The following PARD6B variants were observed in gnomAD, a reference collection of about 807,000 sequenced individuals.
PARD6B encodes the protein par-6 family cell polarity regulator beta, also known as partitioning defective 6 homolog beta.
PARD6B carries 4 observed loss-of-function variants against 10.5 expected under a neutral mutation model. The observed-to-expected ratio is 0.38, with a 90% CI of 0.19 to 0.87. PARD6B has a LOEUF of 0.87. PARD6B is among the 40% of genes least tolerant of loss of function. The probability of loss-of-function intolerance (pLI) is 0.41; values close to 1 mark genes in which losing one functional copy is unlikely to be tolerated. For missense variants in PARD6B, 396 were observed against 470.6 expected (o/e 0.84, Z 1.47); for synonymous variants, 169 against 170.4 (o/e 0.99, Z 0.07).
chr20:50,734,071 T>A (rs1316706376), intron 1 of PARD6B, among the ~76,000 whole-genome samples: 4 of 152,224 alleles, frequency 2.6e-5, no homozygotes, highest in Non-Finnish European at 1.5e-5. Flanking sequence ...TCTAGGAACA[T>A]GTGCTGAATG....
At chr20:50,742,250 G>C (rs925048409) in intron 2 of PARD6B, among the ~76,000 whole-genome samples, 3 of 151,982 alleles carry the variant, frequency 2.0e-5, no homozygotes, top group Admixed American at 2.0e-4. Flanking sequence ...TGCCATGTTG[G>C]CCAGACTGTT....
chr20:50,752,991 G>T lies in PARD6B; in HGVS notation c.*2503G>T, dbSNP rs561214926. On this transcript the variant is annotated 3_prime_UTR_variant, in exon 3 of 3. Transcript: ENST00000371610. ...TTGAATGGCAAAATAATGTTAGTAT[G>T]TAGAAGGTTAACTTTCATTTATAAT... The T allele has an allele frequency of 1.0e-6, 1 of 984,020 alleles. No homozygotes were observed. The highest frequency in any genetic ancestry group is 1.2e-6 in the Non-Finnish European group (1 of 828,392). 61.0% of individuals were successfully genotyped at this position (984,020 alleles called of 1,614,324 possible). A position where few individuals can be genotyped will look rare whatever the true frequency, so the allele number is the denominator to read the frequency against.
chr20:50,735,257 A>G (rs892604136), intron 1 of PARD6B, among the ~76,000 whole-genome samples: 12 of 152,240 alleles, frequency 7.9e-5, no homozygotes, highest in African/African-American at 2.7e-4. Context: ...AAATATACCT[A>G]TAGTTCAATT....
intron 2 of PARD6B, among the ~76,000 whole-genome samples, chr20:50,739,204 T>G (rs1378622296): frequency 1.3e-5 from 2 of 151,954 alleles, no homozygotes; most frequent in Non-Finnish European, 2.9e-5. Context: ...CCCAGCACTT[T>G]GGGAGGTGGA....
intron 2 of PARD6B, among the ~76,000 whole-genome samples, chr20:50,739,482 G>A (rs1190683209): frequency 2.0e-5 from 3 of 151,774 alleles, no homozygotes; most frequent in Admixed American, 2.0e-4. Flanking sequence ...GAATGGGTGG[G>A]GATTATCTTT....
chr20:50,734,932 C>G (rs747037742), intron 1 of PARD6B, among the ~76,000 whole-genome samples: 4 of 152,108 alleles, frequency 2.6e-5, no homozygotes, highest in Non-Finnish European at 5.9e-5. Context: ...GGCGGATCAC[C>G]TGAGGTCAGG....
At chr20:50,743,812 C>T (rs1240331052) in intron 2 of PARD6B, among the ~76,000 whole-genome samples, 1 of 151,228 alleles carries the variant, frequency 6.6e-6, no homozygotes, top group Non-Finnish European at 1.5e-5. Flanking sequence ...TGGCATGAAC[C>T]CAGGAGGCGG....
In PARD6B at chr20:50,752,630, A is replaced by G; in HGVS notation, c.*2142A>G. On this transcript the variant is annotated 3_prime_UTR_variant, in exon 3 of 3. Coordinates refer to ENST00000371610, the MANE Select transcript of PARD6B (RefSeq NM_032521.3). ...TATGGCTTATGGAGAGTTATTTATT[A>G]ATTAACTTTATGGTAGGGCTAGTAT... 1 of 980,714 alleles carries G rather than the reference A, an allele frequency of 1.0e-6. No homozygotes were observed. Among genetic ancestry groups the G allele is most frequent in the Non-Finnish European group, 1.2e-6 (1 of 825,252 alleles). 60.8% of individuals were successfully genotyped at this position (980,714 alleles called of 1,614,324 possible). A position where few individuals can be genotyped will look rare whatever the true frequency, so the allele number is the denominator to read the frequency against.
At position 50,749,804 on chromosome 20, in the gene PARD6B, T is replaced by C. The variant is rs1170939682; in HGVS notation, c.435T>C (p.Ile145=). The part of the protein sequence containing the change: ...MPQDFRPVSS[I]IDVDILPETH... ...AAGACTTTAGACCTGTGTCTTCTAT[T>C]ATAGACGTGGATATTCTCCCAGAAA... Residue 145 remains isoleucine, a synonymous_variant, in exon 3 of 3, where the codon ATT becomes ATC. Coordinates refer to ENST00000371610, the MANE Select transcript of PARD6B (RefSeq NM_032521.3). The C allele has an allele frequency of 2.5e-6, 4 of 1,614,088 alleles. No individual in the cohort carries two copies. Among genetic ancestry groups the C allele is most frequent in the Non-Finnish European group, 3.4e-6 (4 of 1,180,044 alleles).
Position 50,751,233 on chromosome 20 carries a change from C to G in PARD6B, c.*745C>G, listed in dbSNP as rs1389387107. The G allele has an allele frequency of 2.1e-6, 2 of 960,916 alleles. No individual in the cohort carries two copies. The highest frequency in any genetic ancestry group is 1.2e-4 in the East Asian group (1 of 8,690). 59.5% of individuals were successfully genotyped at this position (960,916 alleles called of 1,614,324 possible). A position where few individuals can be genotyped will look rare whatever the true frequency, so the allele number is the denominator to read the frequency against. On this transcript the variant is annotated 3_prime_UTR_variant, in exon 3 of 3. Coordinates refer to ENST00000371610, the MANE Select transcript of PARD6B (RefSeq NM_032521.3). ...AGTCCTGCCTCGGCTTCCCAAAATG[C>G]TAGGATTAGAGCCACCATGCCCAGC...
intron 2 of PARD6B, among the ~76,000 whole-genome samples, chr20:50,740,922 T>G (rs1316408130): frequency 1.3e-5 from 2 of 151,860 alleles, no homozygotes; most frequent in African/African-American, 4.8e-5. Flanking sequence ...TCAGCCACAC[T>G]GGCTTCCTTC....
Position 50,751,393 on chromosome 20 carries a change from T to C in PARD6B, c.*905T>C. 1.2e-6 allele frequency: 1 copy of C among 833,256 alleles called. No homozygotes were observed. Among genetic ancestry groups the C allele is most frequent in the Non-Finnish European group, 1.4e-6 (1 of 713,910 alleles). 51.6% of individuals were successfully genotyped at this position (833,256 alleles called of 1,614,324 possible). On this transcript the variant is annotated 3_prime_UTR_variant, in exon 3 of 3. Coordinates refer to ENST00000371610, the MANE Select transcript of PARD6B (RefSeq NM_032521.3). ...TTTTTTGAGATGGAGTCTCGCTCTA[T>C]CGCCCAGGCTGGAGTGCAGTGGCGC...
chr20:50,746,107 G>C (rs1335064065), intron 2 of PARD6B, among the ~76,000 whole-genome samples: 1 of 151,270 alleles, frequency 6.6e-6, no homozygotes, highest in African/African-American at 2.4e-5. Flanking sequence ...TCACTGTGAA[G>C]CTTTTATGTC....
chr20:50,753,146 A>T lies in PARD6B; in HGVS notation c.*2658A>T. ...TACTTCAGGGCTTGACTTTTTGTAC[A>T]AATTTTAACTGTAAAATACAGATTT... On this transcript the variant is annotated 3_prime_UTR_variant, in exon 3 of 3. Transcript: ENST00000371610. 4 of 985,386 alleles carry T rather than the reference A, an allele frequency of 4.1e-6. No homozygotes were observed. Among genetic ancestry groups the T allele is most frequent in the Non-Finnish European group, 4.8e-6 (4 of 829,548 alleles). The allele number at this position is 985,386 out of a possible 1,614,324, so 61.0% of individuals were successfully genotyped here.
Position 50,737,873 on chromosome 20 carries a change from G to A in PARD6B, c.83G>A (p.Arg28His), listed in dbSNP as rs2087508532. ...EVKSKFGAEF[R>H]RFSLERSKPG... ...CGTTTATAGTTTGGAGCTGAATTTC[G>A]TCGGTTTTCGCTGGAAAGATCAAAA... The change falls in exon 2 of 3, where the codon CGT (arginine) becomes CAT (histidine). Residue 28 changes from arginine to histidine, a missense_variant. Physicochemically the swap from Arg to His is conservative, Grantham distance 29. This residue lies in a region of PARD6B where 208 missense variants were observed against 300.9 expected (regional missense o/e 0.69). Coordinates refer to ENST00000371610, the MANE Select transcript of PARD6B (RefSeq NM_032521.3). 4 of 1,562,626 alleles carry A rather than the reference G, an allele frequency of 2.6e-6. No homozygotes were observed. The highest frequency in any genetic ancestry group is 3.5e-6 in the Non-Finnish European group (4 of 1,154,454).
chr20:50,749,268 G>A (rs1367379114), intron 2 of PARD6B, among the ~76,000 whole-genome samples: 9 of 151,906 alleles, frequency 5.9e-5, no homozygotes, highest in African/African-American at 1.7e-4. Context: ...GCTTGAACCC[G>A]GGAGGCGGAG....
intron 1 of PARD6B, among the ~76,000 whole-genome samples, chr20:50,734,814 C>G (rs1029791334): frequency 6.6e-6 from 1 of 152,134 alleles, no homozygotes; most frequent in African/African-American, 2.4e-5. Flanking sequence ...AGCCACCACA[C>G]TGGGTTCCGG....
chr20:50,737,696 GC>G (rs1471902126), intron 1 of PARD6B, among the ~76,000 whole-genome samples, 160 bp from the exon 2 acceptor site: 1 of 152,016 alleles, frequency 6.6e-6, no homozygotes, highest in African/African-American at 2.4e-5. Context: ...CCTTTCTTAG[GC>G]TTTTTAAAAT....
intron 2 of PARD6B, among the ~76,000 whole-genome samples, chr20:50,748,280 G>C (rs759570978): frequency 6.6e-6 from 1 of 152,244 alleles, no homozygotes; most frequent in Non-Finnish European, 1.5e-5. Context: ...GGAGGCGGGG[G>C]TGGCAGTGAG....
Sources: gnomAD v4.1 joint callset for allele counts (sites outside exome capture counted in the v4.1 genomes callset) on GRCh38, gnomAD v4.1.1 for gene constraint, gnomAD v4.1.1 regional missense constraint, MANE v1.5 for transcripts, NCBI Gene and HGNC (gene_info 2026-07-23, HGNC 2026-07-21) for gene names.